The following SLIT3 variants were observed in gnomAD, a reference collection of about 807,000 sequenced individuals.
SLIT3 encodes slit guidance ligand 3.
SLIT3 carries 68 observed loss-of-function variants against 184.0 expected under a neutral mutation model. The observed-to-expected ratio is 0.37, with a 90% confidence interval of 0.30 to 0.45. The LOEUF (loss-of-function observed/expected upper bound fraction) is 0.45. Ranked by LOEUF, SLIT3 falls within the 20% of genes least tolerant of loss-of-function variation. The pLI, the probability that SLIT3 is intolerant of heterozygous loss-of-function variation, is 1.00. For missense variants in SLIT3, 1,707 were observed against 2,026.0 expected (o/e 0.84, Z 3.02); for synonymous variants, 831 against 828.6 (o/e 1.00, Z -0.05).
chr5:168,964,671 T>G (rs963476729), intron 4 of SLIT3, among the ~76,000 whole-genome samples: 3 of 152,334 alleles, frequency 2.0e-5, no homozygotes, highest in Admixed American at 2.0e-4. Context: ...GAATTTGTTT[T>G]GAATCTTTCG....
chr5:169,262,728 A>C (rs1284765006), intron 1 of SLIT3, among the ~76,000 whole-genome samples: 1 of 148,334 alleles, frequency 6.7e-6, no homozygotes, highest in African/African-American at 2.4e-5. Flanking sequence ...AGCTTGCCTC[A>C]TTTAATTCTT....
chr5:168,700,668 G>A lies in SLIT3; in HGVS notation c.2856C>T (p.Cys952=). Residue 952 remains cysteine (C), a synonymous_variant, in exon 27 of 36, where the codon TGC becomes TGT. Coordinates refer to ENST00000519560, the MANE Select transcript of SLIT3 (RefSeq NM_003062.4). ...GGATGCAGGTGTTGATGGGCACAGTGCAGTCCTTGCCCTGAGGAGCAAAAG... is the reference window on the plus strand; with the variant it reads ...GGATGCAGGTGTTGATGGGCACAGTACAGTCCTTGCCCTGAGGAGCAAAAG... The part of the protein sequence containing the change: ...ACPYSYKGKD[C]TVPINTCIQN... 3 of 1,613,854 alleles carry A rather than the reference G, an allele frequency of 1.9e-6. No homozygotes were observed. Among genetic ancestry groups the A allele is most frequent in the Non-Finnish European group, 2.5e-6 (3 of 1,179,786 alleles).
At chr5:168,808,046 C>T (rs892490396) in intron 8 of SLIT3, among the ~76,000 whole-genome samples, 4 of 152,142 alleles carry the variant, frequency 2.6e-5, no homozygotes, top group Non-Finnish European at 5.9e-5. Context: ...CTTACATATA[C>T]ACAAAACAAA....
At chr5:169,146,690 C>T (rs1299759969) in intron 4 of SLIT3, among the ~76,000 whole-genome samples, 3 of 152,222 alleles carry the variant, frequency 2.0e-5, no homozygotes, top group African/African-American at 7.2e-5. Context: ...CCAGTTGACA[C>T]CTGTGCCAAA....
At chr5:169,046,463 A>G (rs966248778) in intron 4 of SLIT3, among the ~76,000 whole-genome samples, 2 of 152,222 alleles carry the variant, frequency 1.3e-5, no homozygotes, top group African/African-American at 4.8e-5. Context: ...ATAAAATGCA[A>G]GAGAGAGAGC....
At chr5:169,032,472 C>T (rs1265407098) in intron 4 of SLIT3, among the ~76,000 whole-genome samples, 1 of 151,766 alleles carries the variant, frequency 6.6e-6, no homozygotes, top group African/African-American at 2.4e-5. Context: ...TTAGTTCATA[C>T]CATGTCTTCT....
At chr5:169,151,358 C>A (rs1005083750) in intron 4 of SLIT3, among the ~76,000 whole-genome samples, 1 of 152,146 alleles carries the variant, frequency 6.6e-6, no homozygotes, top group African/African-American at 2.4e-5. Context: ...CTGAGACTTC[C>A]CTGAGCTCCA....
At chr5:169,275,812 T>A (rs1437644175) in intron 1 of SLIT3, among the ~76,000 whole-genome samples, 1 of 152,028 alleles carries the variant, frequency 6.6e-6, no homozygotes, top group Non-Finnish European at 1.5e-5. Flanking sequence ...GAAGTTGAGA[T>A]TTGAATGGGG....
chr5:168,873,271 T>C (rs1759603107), intron 5 of SLIT3, among the ~76,000 whole-genome samples: 1 of 152,128 alleles, frequency 6.6e-6, no homozygotes, highest in Admixed American at 6.5e-5. Context: ...AATTTCCACC[T>C]CTATACCTAG....
At chr5:169,281,720 T>G (rs1173226744) in intron 1 of SLIT3, among the ~76,000 whole-genome samples, 3 of 152,214 alleles carry the variant, frequency 2.0e-5, no homozygotes, top group African/African-American at 7.2e-5. Context: ...ATGTAAAGAT[T>G]CCTGATAACC....
chr5:168,790,231 C>T (rs1189551184), intron 10 of SLIT3: 1 of 152,366 alleles, frequency 6.6e-6, no homozygotes, highest in Non-Finnish European at 1.5e-5. Flanking sequence ...TCAGGGGACG[C>T]CTTGGAGATG....
At chr5:169,074,837 G>A (rs912829031) in intron 4 of SLIT3, among the ~76,000 whole-genome samples, 13 of 152,174 alleles carry the variant, frequency 8.5e-5, no homozygotes, top group African/African-American at 2.9e-4. Context: ...CTGAGGGTGG[G>A]ACAAGGCCCC....
At chr5:168,674,634 G>C (rs1561868239) in intron 32 of SLIT3, among the ~76,000 whole-genome samples, 2 of 151,904 alleles carry the variant, frequency 1.3e-5, no homozygotes, top group Non-Finnish European at 2.9e-5. Flanking sequence ...TGGGATTACA[G>C]GCTCATGCCA....
intron 5 of SLIT3, among the ~76,000 whole-genome samples, chr5:168,877,981 C>A (rs1378375827): frequency 1.3e-5 from 2 of 152,036 alleles, no homozygotes. Flanking sequence ...CTACGTCTTT[C>A]CGTGATTTCT....
chr5:168,717,647 C>A (rs1262843154), intron 23 of SLIT3, among the ~76,000 whole-genome samples: 1 of 152,040 alleles, frequency 6.6e-6, no homozygotes, highest in African/African-American at 2.4e-5. Flanking sequence ...AGTCACTAAA[C>A]CTCTCTGAAT....
chr5:168,792,514 G>A (rs558455973), intron 10 of SLIT3, among the ~76,000 whole-genome samples: 53 of 152,296 alleles, frequency 3.5e-4, no homozygotes, highest in African/African-American at 1.3e-3. Context: ...TGACCAAGAA[G>A]GGGTAGCTTT....
intron 3 of SLIT3, among the ~76,000 whole-genome samples, chr5:169,204,314 C>T (rs1581051739): frequency 6.6e-6 from 1 of 151,910 alleles, no homozygotes. Context: ...GTTGCTTGGT[C>T]CAAAGATGGG....
intron 12 of SLIT3, among the ~76,000 whole-genome samples, chr5:168,777,459 C>T (rs1755803464): frequency 6.6e-6 from 1 of 152,220 alleles, no homozygotes; most frequent in Non-Finnish European, 1.5e-5. Context: ...AAATGCCACG[C>T]TGGCAATCCT....
At chr5:169,177,613 A>G (rs1763024128) in intron 4 of SLIT3, among the ~76,000 whole-genome samples, 1 of 152,216 alleles carries the variant, frequency 6.6e-6, no homozygotes, top group Admixed American at 6.5e-5. Context: ...TGGGATTCTA[A>G]GTACCAGGCT....
Sources: allele counts gnomAD v4.1 joint callset (sites outside exome capture counted in the v4.1 genomes callset), GRCh38; gene constraint gnomAD v4.1.1; transcripts MANE v1.5; gene names NCBI Gene and HGNC (gene_info 2026-07-23, HGNC 2026-07-21).